UBE2E2: variants seen among roughly 807,000 people sequenced by gnomAD.
UBE2E2 encodes the protein ubiquitin conjugating enzyme E2 E2.
A neutral mutation model predicts 24.7 loss-of-function variants in UBE2E2; 6 were observed. That is an observed-to-expected ratio of 0.24 (90% CI 0.13 to 0.48). UBE2E2 has a LOEUF of 0.48. UBE2E2 is among the 20% of genes least tolerant of loss of function. UBE2E2 has a pLI of 0.99. For missense variants in UBE2E2, 169 were observed against 245.0 expected, an observed-to-expected ratio of 0.69 and a Z score of 2.07; for synonymous variants, 104 against 83.6, an observed-to-expected ratio of 1.24 and a Z score of -1.33.
chr3:23,261,638 A>G (rs1214567710), intron 3 of UBE2E2, among the ~76,000 whole-genome samples: 1 of 152,048 alleles, frequency 6.6e-6, no homozygotes, highest in African/African-American at 2.4e-5. Context: ...CCCTACCTTT[A>G]GCTCTGGTAA....
intron 3 of UBE2E2, among the ~76,000 whole-genome samples, chr3:23,306,523 A>G (rs9874082): frequency 0.31 from 46,472 of 152,142 alleles, 8,022 homozygotes; most frequent in Admixed American, 0.49. Context: ...GGTTCAAATT[A>G]TAGATAACAA....
chr3:23,562,023 A>G (rs868207075), intron 5 of UBE2E2, among the ~76,000 whole-genome samples: 2 of 152,190 alleles, frequency 1.3e-5, no homozygotes, highest in African/African-American at 2.4e-5. Flanking sequence ...AACAGGGACA[A>G]TTTGACTTCC....
At chr3:23,231,647 G>GT (rs1696976573) in intron 3 of UBE2E2, among the ~76,000 whole-genome samples, 12 of 152,136 alleles carry the variant, frequency 7.9e-5, no homozygotes, top group Admixed American at 7.9e-4. Flanking sequence ...TGAGGGCTTA[G>GT]TCCCAAAAGA....
At chr3:23,489,158 C>G (rs1699442688) in intron 3 of UBE2E2, among the ~76,000 whole-genome samples, 1 of 152,184 alleles carries the variant, frequency 6.6e-6, no homozygotes, top group Non-Finnish European at 1.5e-5. Context: ...GACAGTTTTT[C>G]AACAGACGGC....
chr3:23,314,542 C>T lies in UBE2E2; in HGVS notation c.227+97230C>T, dbSNP rs1694518427. On this transcript the variant is annotated intron_variant, in intron 3 of 5. Coordinates refer to ENST00000396703, the MANE Select transcript of UBE2E2 (RefSeq NM_152653.4). Reference sequence around the variant, plus strand: ...TGTTTTTCTGTGTACTTACTATTACCAGTGAGTTTTGTATCTTCACATCAT... The same window carrying T: ...TGTTTTTCTGTGTACTTACTATTACTAGTGAGTTTTGTATCTTCACATCAT... Among the ~76,000 whole-genome samples, 6 of 152,126 alleles carry T rather than the reference C, an allele frequency of 3.9e-5. No individual in the cohort carries two copies. In the South Asian group the frequency reaches 1.2e-3, roughly 32 times the overall value.
chr3:23,320,624 C>A (rs1330753515), intron 3 of UBE2E2, among the ~76,000 whole-genome samples: 2 of 152,148 alleles, frequency 1.3e-5, no homozygotes, highest in African/African-American at 4.8e-5. Flanking sequence ...GTTCACTGTA[C>A]AGAAAGGTTA....
intron 3 of UBE2E2, among the ~76,000 whole-genome samples, chr3:23,463,037 T>C (rs931165923): frequency 7.2e-5 from 11 of 152,088 alleles, no homozygotes; most frequent in Admixed American, 2.6e-4. Context: ...TATTACAAAT[T>C]AGATGGTTAA....
rs1026435584 is a variant in UBE2E2 at position 23,400,838 on chromosome 3, C to T, written c.228-98770C>T. Among the ~76,000 whole-genome samples the T allele has an allele frequency of 4.6e-5, 7 of 152,086 alleles. No homozygotes were observed. In the Middle Eastern group the frequency reaches 0.01, roughly 222 times the overall value. On this transcript the variant is annotated intron_variant, in intron 3 of 5. Coordinates refer to ENST00000396703, the MANE Select transcript of UBE2E2 (RefSeq NM_152653.4). ...CTTCCCTCCTTCTTTCCTTCTTCTA[C>T]CAGTATTTATTGGGTACTTAAGGCT...
intron 3 of UBE2E2, among the ~76,000 whole-genome samples, chr3:23,421,321 T>C (rs1401386458): frequency 6.6e-6 from 1 of 152,232 alleles, no homozygotes; most frequent in Non-Finnish European, 1.5e-5. Context: ...TGCAGCACTA[T>C]TCACAGTCAC....
Position 23,331,493 on chromosome 3 carries a change from A to G in UBE2E2, c.227+114181A>G, listed in dbSNP as rs189763870. The stretch of plus-strand genomic sequence containing the variant: ...GAAGAGAGCAGAGAGATAGCTGTCA[A>G]TGGATGGGGGCAGGGAGGGGGGTAA... On this transcript the variant is annotated intron_variant, in intron 3 of 5. Transcript: ENST00000396703. Among the ~76,000 whole-genome samples, 40 of 147,074 alleles carry G rather than the reference A, an allele frequency of 2.7e-4. 1 individual carries two copies. Among genetic ancestry groups the G allele is most frequent in the Middle Eastern group, 3.5e-3 (1 of 288 alleles).
chr3:23,458,423 GGTGGTT>G (rs1415782550), intron 3 of UBE2E2, among the ~76,000 whole-genome samples: 2 of 150,060 alleles, frequency 1.3e-5, no homozygotes, highest in South Asian at 2.1e-4. Context: ...TGGTGGTGGT[GGTGGTT>G]GTTGTTGTTT....
At chr3:23,273,408 G>A (rs941245365) in intron 3 of UBE2E2, among the ~76,000 whole-genome samples, 3 of 151,990 alleles carry the variant, frequency 2.0e-5, no homozygotes, top group African/African-American at 7.3e-5. Flanking sequence ...GCGGACGCCT[G>A]TAGTCCCAGC....
At chr3:23,216,166 G>A (rs986697519) in intron 2 of UBE2E2, among the ~76,000 whole-genome samples, 1 of 152,086 alleles carries the variant, frequency 6.6e-6, no homozygotes, top group African/African-American at 2.4e-5. Flanking sequence ...TTTCTTAGCC[G>A]TGCTCTGATT....
intron 3 of UBE2E2, among the ~76,000 whole-genome samples, chr3:23,279,477 C>T (rs572622596): frequency 2.6e-5 from 4 of 152,036 alleles, no homozygotes; most frequent in African/African-American, 9.7e-5. Context: ...AAATGCATGT[C>T]CAGATATAAC....
chr3:23,293,476 G>A (rs1698825358), intron 3 of UBE2E2, among the ~76,000 whole-genome samples: 2 of 152,160 alleles, frequency 1.3e-5, no homozygotes, highest in South Asian at 4.1e-4. Flanking sequence ...TGTTTAATGT[G>A]TGTAGCCCAA....
At position 23,422,460 on chromosome 3, in the gene UBE2E2, C is replaced by T. The variant is rs1222856232; in HGVS notation, c.228-77148C>T. 3.9e-5 allele frequency among the ~76,000 whole-genome samples: 6 copies of T among 152,264 alleles called. No individual in the cohort carries two copies. The East Asian group carries it at 1.2e-3, about 29-fold the overall frequency. On this transcript the variant is annotated intron_variant, in intron 3 of 5. Transcript: ENST00000396703. ...AGGACTACTATTTTTCAAGAGAAAC[C>T]AAGATTCCATGTTTCTTTATGAAAA...
intron 3 of UBE2E2, among the ~76,000 whole-genome samples, chr3:23,423,996 A>G (rs1174979188): frequency 1.3e-5 from 2 of 152,138 alleles, no homozygotes; most frequent in African/African-American, 2.4e-5. Flanking sequence ...CCTCTTGAGT[A>G]ATGAAAGGAC....
At chr3:23,270,003 G>C (rs1225066849) in intron 3 of UBE2E2, among the ~76,000 whole-genome samples, 2 of 152,092 alleles carry the variant, frequency 1.3e-5, no homozygotes, top group African/African-American at 4.8e-5. Context: ...CTGTATAACT[G>C]TGCTGACCCC....
intron 3 of UBE2E2, among the ~76,000 whole-genome samples, chr3:23,353,572 A>G (rs1206762058): frequency 6.6e-6 from 1 of 152,208 alleles, no homozygotes; most frequent in African/African-American, 2.4e-5. Flanking sequence ...AAAAATCACA[A>G]GCATTCTTAT....
Sources: allele counts gnomAD v4.1 joint callset (sites outside exome capture counted in the v4.1 genomes callset), GRCh38; gene constraint gnomAD v4.1.1; transcripts MANE v1.5; gene names NCBI Gene and HGNC (gene_info 2026-07-23, HGNC 2026-07-21).